Variants in SLC13A5 observed in about 807,000 individuals in gnomAD.
SLC13A5 encodes the protein solute carrier family 13 member 5.
A neutral mutation model predicts 56.5 loss-of-function variants in SLC13A5; 25 were observed. That is an observed-to-expected ratio of 0.44 (90% CI 0.32 to 0.62). The LOEUF (loss-of-function observed/expected upper bound fraction) is 0.62, where lower values mean the gene tolerates loss of function less well. Ranked by LOEUF, SLC13A5 falls within the 20% of genes least tolerant of loss-of-function variation. SLC13A5 has a pLI of 0.04. For synonymous variants in SLC13A5, 307 were observed against 301.5 expected (o/e 1.02, Z -0.19); for missense variants, 649 against 737.8 (o/e 0.88, Z 1.39).
Position 6,704,073 on chromosome 17 carries a change from G to A in SLC13A5, c.369-17C>T, listed in dbSNP as rs372696631. The stretch of plus-strand genomic sequence containing the variant: ...AGCATCAGCCTGCAGAGGAGGGGCA[G>A]GGAGGAAAGCCAGAGAATCCCCACC... On this transcript the variant is annotated splice_polypyrimidine_tract_variant and intron_variant, in intron 3 of 11. Transcript: ENST00000433363. 2.0e-4 allele frequency: 326 copies of A among 1,603,912 alleles called. 2 individuals carry two copies. The highest frequency in any genetic ancestry group is 1.8e-3 in the Middle Eastern group (11 of 6,050).
chr17:6,710,350 T>C (rs1450352850), intron 1 of SLC13A5, among the ~76,000 whole-genome samples: 2 of 152,248 alleles, frequency 1.3e-5, no homozygotes, highest in African/African-American at 2.4e-5. Context: ...CTCCCAATCC[T>C]GGTCCCTGTC....
intron 6 of SLC13A5, among the ~76,000 whole-genome samples, chr17:6,699,994 A>G (rs1597667580): frequency 6.6e-6 from 1 of 152,278 alleles, no homozygotes; most frequent in East Asian, 1.9e-4. Flanking sequence ...CCACAAAATC[A>G]CAGGTTTCCG....
intron 3 of SLC13A5, chr17:6,705,078 G>A (rs1377993704): frequency 6.5e-6 from 1 of 152,718 alleles, no homozygotes; most frequent in Non-Finnish European, 1.5e-5. Context: ...TAGGAGCAGG[G>A]GCAGGGGTAG....
Position 6,692,187 on chromosome 17 carries a change from GGATA to G in SLC13A5, c.1275+853_1275+856del, listed in dbSNP as rs1271407097. Among the ~76,000 whole-genome samples, 2 of 151,168 alleles carry G rather than the reference GGATA, an allele frequency of 1.3e-5. No individual in the cohort carries two copies. Among genetic ancestry groups the G allele is most frequent in the African/African-American group, 4.9e-5 (2 of 41,048 alleles). The stretch of plus-strand genomic sequence containing the variant: ...TGGATAGATGGGTGGATGGATGGAT[GGATA>G]GATAGATGGGTGGATAGATAGATGG... On this transcript the variant is annotated intron_variant, in intron 9 of 11. Coordinates refer to ENST00000433363, the MANE Select transcript of SLC13A5 (RefSeq NM_177550.5). This position sits in a 1 kb window ranked among gnomAD's most constrained non-coding sequence, Gnocchi z 5.5.
Position 6,694,089 on chromosome 17 carries a change from A to G in SLC13A5, c.1156+8T>C. On this transcript the variant is annotated splice_region_variant and intron_variant, in intron 8 of 11. Coordinates refer to ENST00000433363, the MANE Select transcript of SLC13A5 (RefSeq NM_177550.5). ...CTGATGACTGGGCGATCAGAACAGG[A>G]GACTTACCTTCCTCAGTCTGGCTGC... The G allele has an allele frequency of 6.2e-7, 1 of 1,602,804 alleles. No homozygotes were observed. The highest frequency in any genetic ancestry group is 8.5e-7 in the Non-Finnish European group (1 of 1,170,398).
rs1190002878 is a variant in SLC13A5, at chr17:6,704,017, G to C, written c.408C>G (p.Ser136=). The change falls in exon 4 of 12, where the codon TCC becomes TCG. Residue 136 remains serine (S), a synonymous_variant. Coordinates refer to ENST00000433363, the MANE Select transcript of SLC13A5 (RefSeq NM_177550.5). ...TGGTTGCCGTGTTACTGATCCACAT[G>C]GACAGGAGGGCTGTGACGCCCATGA... The part of the protein sequence containing the change: ...LGFMGVTALL[S]MWISNTATTA... 1 of 1,613,090 alleles carries C rather than the reference G, an allele frequency of 6.2e-7. No individual in the cohort carries two copies. Among genetic ancestry groups the C allele is most frequent in the Non-Finnish European group, 8.5e-7 (1 of 1,179,608 alleles).
chr17:6,695,786 G>A lies in SLC13A5; in HGVS notation c.995C>T (p.Ser332Phe). 1.2e-6 allele frequency: 2 copies of A among 1,614,182 alleles called. No homozygotes were observed. Among genetic ancestry groups the A allele is most frequent in the Non-Finnish European group, 1.7e-6 (2 of 1,180,020 alleles). ...GCCGGGCATGAAGCCGGGGTCTCGG[G>A]AGAACCACAGGATGACCAGCAGGAA... ...CFFLLVILWF[S>F]RDPGFMPGWL... Residue 332 changes from serine to phenylalanine, a missense_variant, in exon 7 of 12, where the codon TCC becomes TTC. Ser to Phe is a radical substitution (Grantham distance 155, BLOSUM62 -2). Transcript: ENST00000433363.
Position 6,686,157 on chromosome 17 carries a change from C to T in SLC13A5, c.*50G>A, listed in dbSNP as rs748963088. ...TCTGTACAAGGTGTGCCAGAAGGTT[C>T]GGTAGTCCTGAGGAGGGTAAGGGCT... On this transcript the variant is annotated 3_prime_UTR_variant, in exon 12 of 12. Transcript: ENST00000433363. 6 of 1,610,984 alleles carry T rather than the reference C, an allele frequency of 3.7e-6. No homozygotes were observed. The highest frequency in any genetic ancestry group is 5.1e-6 in the Non-Finnish European group (6 of 1,178,264).
rs1023510106 is a variant in SLC13A5 at position 6,701,688 on chromosome 17, C to T, written c.717-562G>A. On this transcript the variant is annotated intron_variant, in intron 5 of 11. Coordinates refer to ENST00000433363, the MANE Select transcript of SLC13A5 (RefSeq NM_177550.5). This position sits in a 1 kb window ranked among gnomAD's most constrained non-coding sequence, Gnocchi z 4.1. ...TCGCGCCACTGCACTCCAGCCTGGGCGACAGAGCGAGACTTGTCTCAAAAA... is the reference window on the plus strand; with the variant it reads ...TCGCGCCACTGCACTCCAGCCTGGGTGACAGAGCGAGACTTGTCTCAAAAA... 3.3e-5 allele frequency among the ~76,000 whole-genome samples: 5 copies of T among 152,124 alleles called. No individual in the cohort carries two copies. The highest frequency in any genetic ancestry group is 1.9e-4 in the East Asian group (1 of 5,178).
At position 6,690,692 on chromosome 17, in the gene SLC13A5, G is replaced by A. The variant is rs1057298465; in HGVS notation, c.1437+87C>T. 5 of 1,573,634 alleles carry A rather than the reference G, an allele frequency of 3.2e-6. No individual in the cohort carries two copies. The Admixed American group carries it at 8.4e-5, about 26-fold the overall frequency. ...CCAAAGCCTGGTCTGAGTCTGGCCT[G>A]GACATTGCTGCCTCGTCAGGGACCC... On this transcript the variant is annotated intron_variant, in intron 10 of 11. Coordinates refer to ENST00000433363, the MANE Select transcript of SLC13A5 (RefSeq NM_177550.5).
In SLC13A5 at chr17:6,695,836, C is replaced by T. The variant is rs1057522909; in HGVS notation, c.945G>A (p.Ala315=). The T allele has an allele frequency of 1.7e-5, 28 of 1,614,028 alleles. No homozygotes were observed. Among genetic ancestry groups the T allele is most frequent in the African/African-American group, 9.3e-5 (7 of 74,916 alleles). ...AGAAGCAGATCAGCACGTTGATCTC[C>T]GCGAAGGACAAGGGCCCCAGCTTCC... The part of the protein sequence containing the change: ...EYRKLGPLSF[A]EINVLICFFL... The change falls in exon 7 of 12, where the codon GCG becomes GCA. Residue 315 remains alanine (A), a synonymous_variant. Coordinates refer to ENST00000433363, the MANE Select transcript of SLC13A5 (RefSeq NM_177550.5).
intron 3 of SLC13A5, chr17:6,705,394 T>C (rs1157057318): frequency 6.6e-6 from 1 of 151,872 alleles, no homozygotes; most frequent in African/African-American, 2.4e-5. Context: ...GGTTTGGAAG[T>C]GGAAGCTCTC....
At chr17:6,697,622 T>C (rs754267957) in intron 6 of SLC13A5, among the ~76,000 whole-genome samples, 1 of 152,158 alleles carries the variant, frequency 6.6e-6, no homozygotes, top group East Asian at 1.9e-4. Flanking sequence ...ATGGTGAACT[T>C]GGACTGAATA....
chr17:6,712,708 A>G (rs1974072385), intron 1 of SLC13A5, among the ~76,000 whole-genome samples: 1 of 152,252 alleles, frequency 6.6e-6, no homozygotes, highest in Non-Finnish European at 1.5e-5. Context: ...AGAGAGTGGC[A>G]AAGACAGCGC....
chr17:6,700,843 G>T (rs1346401728), intron 6 of SLC13A5, among the ~76,000 whole-genome samples, 161 bp downstream of exon 6: 1 of 152,152 alleles, frequency 6.6e-6, no homozygotes, highest in African/African-American at 2.4e-5. Flanking sequence ...GAGCAGCCTG[G>T]GTTCGAAGGA....
intron 7 of SLC13A5, among the ~76,000 whole-genome samples, chr17:6,694,966 A>T (rs1973518508): frequency 6.6e-6 from 1 of 151,854 alleles, no homozygotes; most frequent in Non-Finnish European, 1.5e-5. Context: ...AACTACATGT[A>T]CCCCCTTTGC....
chr17:6,708,575 G>A (rs747963733), intron 1 of SLC13A5, among the ~76,000 whole-genome samples: 58 of 152,304 alleles, frequency 3.8e-4, no homozygotes, highest in Admixed American at 1.8e-3. Context: ...AAAACATCAC[G>A]GAGATCTTAA....
chr17:6,698,890 T>C (rs1973629400), intron 6 of SLC13A5, among the ~76,000 whole-genome samples: 1 of 151,472 alleles, frequency 6.6e-6, no homozygotes, highest in Non-Finnish European at 1.5e-5. Context: ...AATACAAAAA[T>C]TAGCCAGGCA....
intron 6 of SLC13A5, among the ~76,000 whole-genome samples, chr17:6,699,501 T>C (rs1973653734): frequency 6.6e-6 from 1 of 152,158 alleles, no homozygotes; most frequent in Non-Finnish European, 1.5e-5. Flanking sequence ...GACAGAGTCT[T>C]GCTCTGTCGC....
Sources: allele counts gnomAD v4.1 joint callset (sites outside exome capture counted in the v4.1 genomes callset), GRCh38; gene constraint gnomAD v4.1.1; non-coding constraint Gnocchi (gnomAD v3.1); transcripts MANE v1.5; gene names NCBI Gene and HGNC (gene_info 2026-07-23, HGNC 2026-07-21).